PLA2G4E: variants seen among roughly 807,000 people sequenced by gnomAD.
PLA2G4E encodes phospholipase A2 group IVE.
In PLA2G4E, 84 loss-of-function variants were observed where a neutral mutation model predicts 109.1. That is an observed-to-expected ratio of 0.77 (90% CI 0.65 to 0.92). The LOEUF is 0.92. Among genes scored for constraint, PLA2G4E ranks in the 40% least tolerant of loss-of-function variants. The probability of loss-of-function intolerance (pLI) is 0.00; values close to 1 mark genes in which losing one functional copy is unlikely to be tolerated. For synonymous variants in PLA2G4E, 469 were observed against 436.1 expected (o/e 1.08, Z -0.94); for missense variants, 1,057 against 1,076.6 (o/e 0.98, Z 0.25).
intron 1 of PLA2G4E, among the ~76,000 whole-genome samples, chr15:42,033,130 C>T (rs997046817): frequency 4.6e-5 from 7 of 151,940 alleles, no homozygotes; most frequent in Non-Finnish European, 1.0e-4. Context: ...TGGGAGCGGA[C>T]GCTTATGTGT....
intron 19 of PLA2G4E, 49 bp downstream of exon 19, chr15:41,984,387 C>T (rs748763645): frequency 1.2e-5 from 19 of 1,548,590 alleles, no homozygotes; most frequent in Non-Finnish European, 1.6e-5. Context: ...AAAGGCATTC[C>T]CGGGCCAAGG....
intron 1 of PLA2G4E, among the ~76,000 whole-genome samples, chr15:42,039,224 C>T (rs8027232): frequency 0.015 from 2,284 of 152,232 alleles, 52 homozygotes; most frequent in African/African-American, 0.053. Context: ...TAATTACACT[C>T]TTGGAAACTC....
chr15:42,010,131 G>GCCCCCCCCCCCCCCCCCCC (rs758613773), intron 2 of PLA2G4E: 1 of 440,590 alleles, frequency 2.3e-6, no homozygotes, highest in African/African-American at 3.0e-5. Flanking sequence ...CCAGAACACT[G>GCCCCCCCCCCCCCCCCCCC]GCCCCCCCAC....
chr15:41,990,283 A>AG (rs1405743720), intron 13 of PLA2G4E, 48 bp from the exon 14 acceptor site: 1 of 1,534,518 alleles, frequency 6.5e-7, no homozygotes, highest in South Asian at 1.1e-5. Flanking sequence ...CCAGAGGGTG[A>AG]GGGAGGCAGT....
At chr15:41,992,918 T>C in exon 13 of PLA2G4E, 2 of 1,613,844 alleles carry the variant, frequency 1.2e-6, no homozygotes, top group East Asian at 4.5e-5. Context: ...CTCCAAGTTT[T>C]TGGAGGACCA....
chr15:41,992,884 T>G (rs2068274887), exon 13 of PLA2G4E: 1 of 1,613,808 alleles, frequency 6.2e-7, no homozygotes. Flanking sequence ...TTACCACATG[T>G]CTCCGAGCCT....
At chr15:42,012,867 G>T (rs1226329068) in intron 2 of PLA2G4E, among the ~76,000 whole-genome samples, 5 of 152,258 alleles carry the variant, frequency 3.3e-5, no homozygotes, top group Non-Finnish European at 5.9e-5. Flanking sequence ...GAGCAGGGAT[G>T]CTCCCCACCT....
chr15:41,988,812 A>C (rs2068192543), intron 15 of PLA2G4E, among the ~76,000 whole-genome samples: 1 of 152,164 alleles, frequency 6.6e-6, no homozygotes, highest in Non-Finnish European at 1.5e-5. Context: ...TGGGGGAAGA[A>C]GTGATGGGAC....
At chr15:42,020,177 G>T (rs140182218) in intron 1 of PLA2G4E, among the ~76,000 whole-genome samples, 3 of 152,364 alleles carry the variant, frequency 2.0e-5, no homozygotes, top group African/African-American at 7.2e-5. Flanking sequence ...CCACCAAGGG[G>T]CAAAGTACTT....
exon 3 of PLA2G4E, chr15:42,007,851 A>G: frequency 6.2e-7 from 1 of 1,605,036 alleles, no homozygotes; most frequent in East Asian, 2.2e-5. Context: ...CTCACAAAAC[A>G]GTCTGTCTGG....
intron 1 of PLA2G4E, chr15:42,050,470 T>C (rs1280399435): frequency 2.7e-6 from 4 of 1,508,520 alleles, no homozygotes; most frequent in Non-Finnish European, 3.6e-6. Flanking sequence ...GTCAGGAAAG[T>C]GAGGTTAAAA....
At chr15:41,993,841 A>G (rs2068291214) in intron 12 of PLA2G4E, among the ~76,000 whole-genome samples, 1 of 152,240 alleles carries the variant, frequency 6.6e-6, no homozygotes. Flanking sequence ...AGCTTCACCC[A>G]TTCATTTTAT....
At position 41,994,307 on chromosome 15, in the gene PLA2G4E, G is replaced by GT. The variant is rs202177407; in HGVS notation, c.1247+1052_1247+1053insA. ...TGGGCTGGCGCCTCTGCCCCCCGGG[G>GT]GGGTGTGTGGCACAGGAGCCCTTGG... On this transcript the variant is annotated intron_variant, in intron 12 of 19. Coordinates refer to ENST00000399518, the Ensembl canonical transcript of PLA2G4E. 2.3e-4 allele frequency among the ~76,000 whole-genome samples: 35 copies of GT among 151,964 alleles called. No homozygotes were observed. The East Asian group carries it at 5.2e-3, about 23-fold the overall frequency.
exon 19 of PLA2G4E, chr15:41,984,606 G>A (rs2068111487): frequency 6.2e-7 from 1 of 1,606,352 alleles, no homozygotes; most frequent in Non-Finnish European, 8.5e-7. Context: ...GTACTCACAG[G>A]TTTGTTTCAG....
chr15:42,037,364 G>A (rs1046323873), intron 1 of PLA2G4E, among the ~76,000 whole-genome samples: 1 of 152,244 alleles, frequency 6.6e-6, no homozygotes, highest in African/African-American at 2.4e-5. Flanking sequence ...AGAGCAGAGC[G>A]GTCGTCAGGA....
chr15:42,007,940 G>A, intron 2 of PLA2G4E, 75 bp from the exon 3 acceptor site: 3 of 1,481,716 alleles, frequency 2.0e-6, no homozygotes, highest in African/African-American at 2.8e-5. Flanking sequence ...CTTCAGGCAA[G>A]CCTCTTCCAG....
intron 1 of PLA2G4E, among the ~76,000 whole-genome samples, chr15:42,030,781 C>T (rs1193162279): frequency 2.0e-5 from 3 of 152,204 alleles, no homozygotes; most frequent in Non-Finnish European, 4.4e-5. Flanking sequence ...TCTGGAATTT[C>T]ACATAAATGG....
At chr15:41,990,489 G>T (rs1012079676) in intron 13 of PLA2G4E, among the ~76,000 whole-genome samples, 1 of 152,096 alleles carries the variant, frequency 6.6e-6, no homozygotes, top group African/African-American at 2.4e-5. Flanking sequence ...GTCTCTCAGA[G>T]TCCCAGGGTC....
At chr15:42,035,829 T>C (rs1889203416) in intron 1 of PLA2G4E, among the ~76,000 whole-genome samples, 1 of 152,152 alleles carries the variant, frequency 6.6e-6, no homozygotes, top group Non-Finnish European at 1.5e-5. Flanking sequence ...ATATATTGCT[T>C]TATACTTTTT....
Sources: gnomAD v4.1 joint callset for allele counts (sites outside exome capture counted in the v4.1 genomes callset) on GRCh38, gnomAD v4.1.1 for gene constraint, MANE v1.5 for transcripts, NCBI Gene and HGNC (gene_info 2026-07-23, HGNC 2026-07-21) for gene names.